The following TLL1 variants were observed in gnomAD, a reference collection of about 807,000 sequenced individuals.
TLL1 encodes the protein tolloid like 1, also known as tolloid-like protein 1.
TLL1 carries 49 observed loss-of-function variants against 128.2 expected under a neutral mutation model. The observed-to-expected ratio is 0.38, with a 90% confidence interval of 0.30 to 0.48. The LOEUF (loss-of-function observed/expected upper bound fraction) is 0.48, where lower values mean the gene tolerates loss of function less well. TLL1 is among the 20% of genes least tolerant of loss of function. The probability of loss-of-function intolerance (pLI) is 0.96; values close to 1 mark genes in which losing one functional copy is unlikely to be tolerated. For missense variants in TLL1, 1,123 were observed against 1,242.0 expected, an observed-to-expected ratio of 0.90 and a Z score of 1.44; for synonymous variants, 454 against 418.8, an observed-to-expected ratio of 1.08 and a Z score of -1.03.
chr4:166,063,575 A>G (rs185300759), intron 15 of TLL1, among the ~76,000 whole-genome samples: 51 of 152,324 alleles, frequency 3.3e-4, no homozygotes, highest in African/African-American at 1.2e-3. Flanking sequence ...ACAATAGCAA[A>G]GACTTGGAAC....
chr4:165,913,106 T>C (rs1732614530), intron 1 of TLL1, among the ~76,000 whole-genome samples: 1 of 152,186 alleles, frequency 6.6e-6, no homozygotes, highest in Admixed American at 6.5e-5. Context: ...ACTTTTCTTA[T>C]TTAAATAACA....
At chr4:165,959,155 G>A (rs567914377) in intron 1 of TLL1, among the ~76,000 whole-genome samples, 78 of 151,830 alleles carry the variant, frequency 5.1e-4, no homozygotes, top group South Asian at 8.4e-4. Context: ...TGATGCCTCC[G>A]GCTTTGTTCT....
At chr4:166,060,270 A>G (rs1384664548) in intron 15 of TLL1, 82 bp downstream of exon 15, 2 of 1,274,658 alleles carry the variant, frequency 1.6e-6, no homozygotes, top group Non-Finnish European at 2.2e-6. Flanking sequence ...AAAAAAAAAG[A>G]TGTAGTAAAA....
At chr4:165,877,890 G>C (rs1180191521) in intron 1 of TLL1, among the ~76,000 whole-genome samples, 1 of 151,904 alleles carries the variant, frequency 6.6e-6, no homozygotes, top group Non-Finnish European at 1.5e-5. Flanking sequence ...ATTTTGGGTA[G>C]AGGGGTATAG....
At chr4:166,030,492 A>G in intron 9 of TLL1, 1 of 617,528 alleles carries the variant, frequency 1.6e-6, no homozygotes, top group South Asian at 1.9e-5. Context: ...TCTGATGAAC[A>G]CAAATTATAA....
At chr4:165,899,729 C>T (rs1365145639) in intron 1 of TLL1, among the ~76,000 whole-genome samples, 1 of 152,098 alleles carries the variant, frequency 6.6e-6, no homozygotes, top group Non-Finnish European at 1.5e-5. Context: ...CTGTAGATGT[C>T]TATCAGGTCC....
intron 1 of TLL1, among the ~76,000 whole-genome samples, chr4:165,961,482 A>G (rs1735098732): frequency 6.6e-6 from 1 of 152,192 alleles, no homozygotes; most frequent in African/African-American, 2.4e-5. Context: ...TAAAATTCAT[A>G]TGGAACCCCA....
chr4:165,900,631 C>T (rs986536032), intron 1 of TLL1, among the ~76,000 whole-genome samples: 1 of 152,020 alleles, frequency 6.6e-6, no homozygotes, highest in Non-Finnish European at 1.5e-5. Context: ...CTTCCCTTTG[C>T]GGATAACCCG....
At chr4:165,929,747 T>C (rs1261890193) in intron 1 of TLL1, among the ~76,000 whole-genome samples, 2 of 152,206 alleles carry the variant, frequency 1.3e-5, no homozygotes, top group African/African-American at 4.8e-5. Context: ...GATAACTTTT[T>C]GTGACACATT....
chr4:166,055,353 A>T, intron 13 of TLL1, 82 bp downstream of exon 13: 1 of 1,235,994 alleles, frequency 8.1e-7, no homozygotes, highest in Non-Finnish European at 1.2e-6. Context: ...GGGGAGAACT[A>T]GAGAAAGTTG....
Position 165,934,040 on chromosome 4 carries a change from C to T in TLL1, c.170-55341C>T, listed in dbSNP as rs554368110. Among the ~76,000 whole-genome samples the T allele has an allele frequency of 8.5e-5, 13 of 152,112 alleles. No homozygotes were observed. The South Asian group carries it at 2.1e-3, about 24-fold the overall frequency. ...TGAGATGGAGTTTTGCTCTTATTGC[C>T]CAGGCTGGAGTGCAATGTCACGATC... On this transcript the variant is annotated intron_variant, in intron 1 of 20. Coordinates refer to ENST00000061240, the MANE Select transcript of TLL1 (RefSeq NM_012464.5).
Position 166,043,424 on chromosome 4 carries a change from A to C in TLL1, c.1524+5A>C, listed in dbSNP as rs1739325646. The C allele has an allele frequency of 6.2e-7, 1 of 1,613,876 alleles. No individual in the cohort carries two copies. Among genetic ancestry groups the C allele is most frequent in the Non-Finnish European group, 8.5e-7 (1 of 1,179,906 alleles). On this transcript the variant is annotated splice_donor_5th_base_variant and intron_variant, in intron 12 of 20. Coordinates refer to ENST00000061240, the MANE Select transcript of TLL1 (RefSeq NM_012464.5). ...CTGACCTTTCAGTCCTTTGAGGTAA[A>C]GTCTTTTAGGCTATCTTCCTGGCAA...
At chr4:165,934,350 G>A (rs1260838516) in intron 1 of TLL1, among the ~76,000 whole-genome samples, 1 of 151,820 alleles carries the variant, frequency 6.6e-6, no homozygotes, top group Non-Finnish European at 1.5e-5. Context: ...TGCCTGCTGG[G>A]AAACACTTTT....
chr4:165,885,374 C>T (rs1002575525), intron 1 of TLL1, among the ~76,000 whole-genome samples: 10 of 152,128 alleles, frequency 6.6e-5, no homozygotes, highest in African/African-American at 2.4e-4. Flanking sequence ...GGGGCATATG[C>T]TGTACACCGA....
At chr4:166,073,848 G>T (rs192745205) in intron 16 of TLL1, among the ~76,000 whole-genome samples, 103 of 152,196 alleles carry the variant, frequency 6.8e-4, no homozygotes, top group Non-Finnish European at 1.2e-3. Flanking sequence ...GCTTGCTAGT[G>T]CTCACTAGCA....
intron 19 of TLL1, among the ~76,000 whole-genome samples, chr4:166,097,326 T>G (rs1304002589): frequency 6.6e-6 from 1 of 152,118 alleles, no homozygotes; most frequent in Non-Finnish European, 1.5e-5. Flanking sequence ...CCAAGGCTAA[T>G]TGGTATTCCA....
At chr4:165,896,001 G>A (rs1011736882) in intron 1 of TLL1, among the ~76,000 whole-genome samples, 4 of 152,018 alleles carry the variant, frequency 2.6e-5, no homozygotes, top group Admixed American at 2.0e-4. Flanking sequence ...TGTTACATAG[G>A]TATACATGTG....
At chr4:165,943,710 G>A (rs749602630) in intron 1 of TLL1, among the ~76,000 whole-genome samples, 4 of 151,714 alleles carry the variant, frequency 2.6e-5, no homozygotes, top group Non-Finnish European at 5.9e-5. Flanking sequence ...TTAAAGCCAT[G>A]AAAAAAAATG....
In TLL1 at chr4:165,878,390, G is replaced by T. The variant is rs975015476; in HGVS notation, c.169+4317G>T. Among the ~76,000 whole-genome samples, 2 of 150,788 alleles carry T rather than the reference G, an allele frequency of 1.3e-5. 1 individual carries two copies. Among genetic ancestry groups the T allele is most frequent in the South Asian group, 4.2e-4 (2 of 4,776 alleles). ...ATTTTTTTTTTTCTCTTCTTGCCTT[G>T]GGTGCCAACTCAGAAGTCGCCAAAA... On this transcript the variant is annotated intron_variant, in intron 1 of 20. Transcript: ENST00000061240.
Sources: allele counts gnomAD v4.1 joint callset (sites outside exome capture counted in the v4.1 genomes callset), GRCh38; gene constraint gnomAD v4.1.1; transcripts MANE v1.5; gene names NCBI Gene and HGNC (gene_info 2026-07-23, HGNC 2026-07-21).